Variants in LY6S observed in about 807,000 individuals in gnomAD.
LY6S encodes the protein lymphocyte antigen 6S.
At chr8:143,070,291 G>A in the LY6S span, among the ~76,000 whole-genome samples, 1 of 149,010 alleles carries the variant, frequency 6.7e-6, no homozygotes, top group South Asian at 2.1e-4. Flanking sequence ...GGTAGCGGGA[G>A]TGAGGGCTCA....
At chr8:143,056,813 A>C in the LY6S span, among the ~76,000 whole-genome samples, 1 of 152,348 alleles carries the variant, frequency 6.6e-6, no homozygotes, top group African/African-American at 2.4e-5. Context: ...CAGATGTTTT[A>C]AAAGTTCAGG....
the LY6S span, among the ~76,000 whole-genome samples, chr8:143,052,193 A>ACCAC: frequency 6.6e-6 from 1 of 151,552 alleles, no homozygotes. Flanking sequence ...AGGCAGGAGA[A>ACCAC]TGGCGTGAAC....
At chr8:143,070,517 C>T in the LY6S span, among the ~76,000 whole-genome samples, 408 of 120,186 alleles carry the variant, frequency 3.4e-3, 1 homozygote, top group African/African-American at 0.013. Context: ...GATGGATTCT[C>T]GCCCTGTCGC....
At chr8:143,070,487 ATATT>A in the LY6S span, among the ~76,000 whole-genome samples, 7 of 84,112 alleles carry the variant, frequency 8.3e-5, 1 homozygote, top group African/African-American at 5.3e-4. Flanking sequence ...ATATATATAT[ATATT>A]TTTTTTTTTT....
chr8:143,070,707 G>A, the LY6S span, among the ~76,000 whole-genome samples: 99 of 150,994 alleles, frequency 6.6e-4, no homozygotes, highest in African/African-American at 2.4e-3. Flanking sequence ...GGCTGTTCTC[G>A]AACTCCCGAC....
chr8:143,062,705 G>A, the LY6S span, among the ~76,000 whole-genome samples: 1 of 151,996 alleles, frequency 6.6e-6, no homozygotes, highest in Non-Finnish European at 1.5e-5. Context: ...GAAAAAAATG[G>A]AGATCTATAT....
At chr8:143,055,020 A>G in the LY6S span, among the ~76,000 whole-genome samples, 1 of 152,212 alleles carries the variant, frequency 6.6e-6, no homozygotes, top group Admixed American at 6.5e-5. Context: ...GTCTACGTCA[A>G]TCAGCCCAGT....
the LY6S span, chr8:143,066,516 C>A: frequency 7.3e-6 from 2 of 275,592 alleles, no homozygotes; most frequent in East Asian, 9.1e-5. Flanking sequence ...AGGCACCATT[C>A]GTGCAGCGAA....
At chr8:143,050,937 G>A in the LY6S span, among the ~76,000 whole-genome samples, 13 of 152,240 alleles carry the variant, frequency 8.5e-5, no homozygotes, top group Non-Finnish European at 1.5e-4. Context: ...GGGGAAAGGC[G>A]CTTCACGGGT....
chr8:143,052,568 T>C, the LY6S span, among the ~76,000 whole-genome samples: 1 of 152,268 alleles, frequency 6.6e-6, no homozygotes, highest in South Asian at 2.1e-4. Flanking sequence ...TGTAGACACC[T>C]TTACCGGTTG....
At chr8:143,055,149 T>C in the LY6S span, among the ~76,000 whole-genome samples, 5 of 152,230 alleles carry the variant, frequency 3.3e-5, no homozygotes, top group African/African-American at 1.2e-4. Flanking sequence ...TTAATAGTGC[T>C]GATTATTACC....
the LY6S span, chr8:143,043,097 C>T: frequency 2.4e-5 from 33 of 1,367,360 alleles, no homozygotes; most frequent in African/African-American, 3.8e-4. Context: ...GGTAGGCCTG[C>T]GGGGGAGAGG....
At chr8:143,057,594 G>T in the LY6S span, 2 of 1,295,898 alleles carry the variant, frequency 1.5e-6, no homozygotes, top group South Asian at 1.2e-5. Flanking sequence ...TCCTCATGCT[G>T]AATGAGAGGG....
At chr8:143,076,405 C>CGGG in the LY6S span, among the ~76,000 whole-genome samples, 1 of 152,172 alleles carries the variant, frequency 6.6e-6, no homozygotes, top group Non-Finnish European at 1.5e-5. Flanking sequence ...CGCCCAGACA[C>CGGG]CTATCCCCAG....
chr8:143,043,917 C>A, the LY6S span, among the ~76,000 whole-genome samples: 17 of 152,350 alleles, frequency 1.1e-4, no homozygotes, highest in Admixed American at 9.8e-4. Context: ...TCAGGTGATC[C>A]CCCCGCCTTG....
the LY6S span, among the ~76,000 whole-genome samples, chr8:143,068,189 G>A: frequency 1.3e-5 from 2 of 152,232 alleles, no homozygotes; most frequent in Non-Finnish European, 2.9e-5. Flanking sequence ...CTGGTTAATA[G>A]AGAATGGAGA....
chr8:143,074,111 T>C, the LY6S span, among the ~76,000 whole-genome samples: 1 of 152,244 alleles, frequency 6.6e-6, no homozygotes, highest in African/African-American at 2.4e-5. Context: ...TGACTAAATA[T>C]GGTTTTCTCC....
chr8:143,065,725 C>G, the LY6S span, among the ~76,000 whole-genome samples: 1 of 145,820 alleles, frequency 6.9e-6, no homozygotes, highest in Non-Finnish European at 1.5e-5. Context: ...GCCGGTTGTC[C>G]CTTTCTTTCT....
At chr8:143,072,349 G>A in the LY6S span, among the ~76,000 whole-genome samples, 12 of 114,538 alleles carry the variant, frequency 1.0e-4, no homozygotes, top group East Asian at 6.8e-4. Flanking sequence ...CGTCCTCGGG[G>A]TTCCTGTTTG....
Sources: gnomAD v4.1 joint callset for allele counts (sites outside exome capture counted in the v4.1 genomes callset) on GRCh38, gnomAD v4.1.1 for gene constraint, MANE v1.5 for transcripts, NCBI Gene and HGNC (gene_info 2026-07-23, HGNC 2026-07-21) for gene names.